STS: variants seen among roughly 807,000 people sequenced by gnomAD.
STS encodes steroid sulfatase.
In STS, 7 loss-of-function variants were observed where a neutral mutation model predicts 26.8. That is an observed-to-expected ratio of 0.26 (90% CI 0.15 to 0.49). STS has a LOEUF of 0.49. Ranked by LOEUF, STS falls within the 20% of genes least tolerant of loss-of-function variation. STS has a pLI of 0.98. For synonymous variants in STS, 199 were observed against 189.4 expected, an observed-to-expected ratio of 1.05 and a Z score of -0.42; for missense variants, 434 against 465.6, an observed-to-expected ratio of 0.93 and a Z score of 0.63.
intron 8 of STS, among the ~76,000 whole-genome samples, chrX:7,323,938 C>T (rs778453931): frequency 9.0e-6 from 1 of 111,082 alleles, no homozygotes; most frequent in Non-Finnish European, 1.9e-5. Context: ...TCTCTGACTC[C>T]CTCTTTCCCT....
chrX:7,256,009 A>G (rs1346688892), intron 3 of STS, among the ~76,000 whole-genome samples: 1 of 111,887 alleles, frequency 8.9e-6, no homozygotes, highest in Non-Finnish European at 1.9e-5. Context: ...TACAGTGAAG[A>G]AGCTGCTTGT....
chrX:7,260,155 G>A (rs758216388), intron 6 of STS, among the ~76,000 whole-genome samples: 132 of 112,556 alleles, frequency 1.2e-3, no homozygotes, highest in Middle Eastern at 4.6e-3. Flanking sequence ...GATTACAGGC[G>A]TGAGCCACCA....
intron 10 of STS, among the ~76,000 whole-genome samples, chrX:7,341,569 C>T (rs1228891877): frequency 8.9e-6 from 1 of 112,124 alleles, no homozygotes; most frequent in Admixed American, 9.5e-5. Flanking sequence ...ACTCCGTTAT[C>T]TGCCATGATC....
chrX:7,343,401 C>T (rs752865761), intron 10 of STS, among the ~76,000 whole-genome samples: 27 of 112,241 alleles, frequency 2.4e-4, no homozygotes, highest in Admixed American at 5.6e-4. Context: ...TTGTTTCTTG[C>T]GTAAATTGGC....
In STS at chrX:7,213,145, G is replaced by A. The variant is rs145707646; in HGVS notation, c.-5+22137G>A. 2.8e-3 allele frequency among the ~76,000 whole-genome samples: 313 copies of A among 111,597 alleles called. 1 individual carries two copies. The highest frequency in any genetic ancestry group is 4.5e-3 in the Non-Finnish European group (241 of 53,116). On this transcript the variant is annotated intron_variant, in intron 2 of 10. Coordinates refer to ENST00000674429, the MANE Select transcript of STS (RefSeq NM_001320752.2). ...TTAAAGTAGATATGCTGGGATAGGT[G>A]AGAGGAAGTGAAAAGCCAACTGGGA...
chrX:7,324,137 A>G (rs1927232707), intron 8 of STS, among the ~76,000 whole-genome samples: 1 of 108,589 alleles, frequency 9.2e-6, no homozygotes, highest in African/African-American at 3.4e-5. Flanking sequence ...TACATTGTTC[A>G]GTCTGGAAAG....
At chrX:7,292,350 G>A (rs1177145470) in intron 7 of STS, among the ~76,000 whole-genome samples, 2 of 112,278 alleles carry the variant, frequency 1.8e-5, no homozygotes, top group Non-Finnish European at 3.8e-5. Context: ...CTCAGATATC[G>A]TTGGCCAAGA....
rs996020710 is a variant in STS, at chrX:7,323,361, C to T, written c.1082-1978C>T. Among the ~76,000 whole-genome samples the T allele has an allele frequency of 8.1e-5, 9 of 110,774 alleles. No individual in the cohort carries two copies. In the South Asian group the frequency reaches 1.6e-3, roughly 19 times the overall value. ...GAACATAGTACCTGATAGTTTTTCA[C>T]TCCTTGACCTCCTCCCTCTTTCCCC... On this transcript the variant is annotated intron_variant, in intron 8 of 10. Transcript: ENST00000674429.
intron 2 of STS, among the ~76,000 whole-genome samples, chrX:7,200,701 T>C (rs1021259157): frequency 4.5e-5 from 5 of 111,480 alleles, no homozygotes; most frequent in Non-Finnish European, 5.6e-5. Flanking sequence ...AGTTTGGTAG[T>C]GGGGGCTTCT....
rs1195516008 is a variant in STS at position 7,147,893 on chromosome X, G to A, written c.-324G>A. On this transcript the variant is annotated 5_prime_UTR_variant, in exon 1 of 11. Transcript: ENST00000674429. ...CCGCGGGCGCTCCTGGCCGCCGCCC[G>A]ACTTCGGGGCCAGCCGGGGGCAGAG... The A allele has an allele frequency of 7.8e-5, 23 of 293,545 alleles. No homozygotes were observed. The highest frequency in any genetic ancestry group is 4.2e-4 in the Admixed American group (6 of 14,441). 24.2% of individuals were successfully genotyped at this position (293,545 alleles called of 1,213,427 possible).
chrX:7,346,661 T>C (rs1282161753), intron 10 of STS, among the ~76,000 whole-genome samples: 1 of 111,942 alleles, frequency 8.9e-6, no homozygotes, highest in African/African-American at 3.2e-5. Flanking sequence ...TAAAATACAG[T>C]AGTGAATAAA....
intron 6 of STS, among the ~76,000 whole-genome samples, chrX:7,271,719 ATT>A (rs1402753313): frequency 3.1e-5 from 3 of 97,362 alleles, no homozygotes; most frequent in Admixed American, 1.1e-4. Flanking sequence ...GCCACTCAGG[ATT>A]TTTTTTTTTT....
intron 3 of STS, 42 bp downstream of exon 3, chrX:7,253,378 T>C: frequency 8.3e-7 from 1 of 1,204,568 alleles, no homozygotes; most frequent in East Asian, 3.0e-5. Flanking sequence ...GCTGTATTCA[T>C]AGGCAACAGT....
chrX:7,309,455 C>T (rs1926377258), intron 8 of STS, among the ~76,000 whole-genome samples: 1 of 110,618 alleles, frequency 9.0e-6, no homozygotes, highest in Non-Finnish European at 1.9e-5. Context: ...AGGCTTAATA[C>T]CTGTGTGATT....
rs775340435 is a variant in STS, at chrX:7,332,863, G to T, written c.1242-1123G>T. Among the ~76,000 whole-genome samples, 151 of 112,001 alleles carry T rather than the reference G, an allele frequency of 1.3e-3. 1 individual carries two copies. Among genetic ancestry groups the T allele is most frequent in the African/African-American group, 4.7e-3 (146 of 30,808 alleles). On this transcript the variant is annotated intron_variant, in intron 9 of 10. Coordinates refer to ENST00000674429, the MANE Select transcript of STS (RefSeq NM_001320752.2). ...TTGGTTTGAGAAGTGAGCCAAGCCA[G>T]TCTTTTGTTCTTATTTTTACTTATG... is the stretch of plus-strand genomic sequence containing the variant.
chrX:7,299,207 T>A (rs1187523347), intron 7 of STS, among the ~76,000 whole-genome samples: 1 of 94,961 alleles, frequency 1.1e-5, no homozygotes, highest in Non-Finnish European at 2.0e-5. Context: ...TATAATTATA[T>A]AAAATATATA....
intron 10 of STS, among the ~76,000 whole-genome samples, chrX:7,346,214 CT>C (rs1928517308): frequency 8.9e-6 from 1 of 111,876 alleles, no homozygotes; most frequent in Admixed American, 9.5e-5. Flanking sequence ...TGACAATAAA[CT>C]TTCTTCTCTC....
chrX:7,340,875 G>T (rs1419151986), intron 10 of STS, among the ~76,000 whole-genome samples: 7 of 111,593 alleles, frequency 6.3e-5, no homozygotes, highest in African/African-American at 2.3e-4. Context: ...TGGGAAAGAT[G>T]AGAAGAAAAA....
chrX:7,324,383 C>G (rs771739197), intron 8 of STS, among the ~76,000 whole-genome samples: 2 of 111,362 alleles, frequency 1.8e-5, no homozygotes, highest in African/African-American at 6.5e-5. Flanking sequence ...TCTTATCAGA[C>G]TTTAAAAGAT....
Sources: gnomAD v4.1 joint callset for allele counts (sites outside exome capture counted in the v4.1 genomes callset) on GRCh38, gnomAD v4.1.1 for gene constraint, MANE v1.5 for transcripts, NCBI Gene and HGNC (gene_info 2026-07-23, HGNC 2026-07-21) for gene names.